Variants in ANKRD13B observed in about 807,000 individuals in gnomAD.
ANKRD13B encodes ankyrin repeat domain-containing protein 13B.
Under a neutral mutation model 74.4 loss-of-function variants are expected in ANKRD13B, and 33 were observed. That is an observed-to-expected ratio of 0.44 (90% CI 0.34 to 0.59). The LOEUF (loss-of-function observed/expected upper bound fraction) is 0.59, where lower values mean the gene tolerates loss of function less well. Ranked by LOEUF, ANKRD13B falls within the 20% of genes least tolerant of loss-of-function variation. The pLI, the probability that ANKRD13B is intolerant of heterozygous loss-of-function variation, is 0.02. For synonymous variants in ANKRD13B, 341 were observed against 362.9 expected (o/e 0.94, Z 0.68); for missense variants, 676 against 877.9 (o/e 0.77, Z 2.91).
At chr17:29,601,514 G>A (rs1440892144) in intron 1 of ANKRD13B, among the ~76,000 whole-genome samples, 2 of 152,122 alleles carry the variant, frequency 1.3e-5, no homozygotes, top group Admixed American at 1.3e-4. Context: ...GAGCCACTGT[G>A]CCTGGCCTCC....
rs150429632 is a variant in ANKRD13B, at chr17:29,603,002, C to G, written c.115-4740C>G. The stretch of plus-strand genomic sequence containing the variant: ...AGTAGCTGGGACTACAGGTGCCCAC[C>G]ACCACGCCTGGCTAATTTTTGTATT... On this transcript the variant is annotated intron_variant, in intron 1 of 14. Coordinates refer to ENST00000394859, the MANE Select transcript of ANKRD13B (RefSeq NM_152345.5). Among the ~76,000 whole-genome samples, 1,425 of 152,202 alleles carry G rather than the reference C, an allele frequency of 9.4e-3. 12 individuals carry two copies. Among genetic ancestry groups the G allele is most frequent in the Non-Finnish European group, 0.016 (1,097 of 68,026 alleles).
chr17:29,595,006 G>A (rs984349514), intron 1 of ANKRD13B, among the ~76,000 whole-genome samples: 1 of 152,214 alleles, frequency 6.6e-6, no homozygotes, highest in African/African-American at 2.4e-5. Flanking sequence ...ACCTGTGCCC[G>A]CAGGCCTCTG....
In ANKRD13B at chr17:29,593,598, C is replaced by G; in HGVS notation, c.-24C>G. The stretch of plus-strand genomic sequence containing the variant: ...GTCCCTCCTCCCCGGCCGGGCGCCG[C>G]GGCCCCGGCATGAGGAGCGGGCGAT... On this transcript the variant is annotated 5_prime_UTR_variant, in exon 1 of 15. Transcript: ENST00000394859. The G allele has an allele frequency of 2.5e-6, 3 of 1,221,292 alleles. No homozygotes were observed. The highest frequency in any genetic ancestry group is 1.0e-6 in the Non-Finnish European group (1 of 964,918). The allele number at this position is 1,221,292 out of a possible 1,614,324, so 75.7% of individuals were successfully genotyped here. A position where few individuals can be genotyped will look rare whatever the true frequency, so the allele number is the denominator to read the frequency against.
At chr17:29,600,043 AT>A (rs1398344498) in intron 1 of ANKRD13B, among the ~76,000 whole-genome samples, 1 of 151,378 alleles carries the variant, frequency 6.6e-6, no homozygotes, top group East Asian at 1.9e-4. Context: ...CGCCCAGCTA[AT>A]TTTTTGTATT....
rs150355023 is a variant in ANKRD13B, at chr17:29,612,161, G to A, written c.1146G>A (p.Leu382=). 47 of 1,614,060 alleles carry A rather than the reference G, an allele frequency of 2.9e-5. No individual in the cohort carries two copies. Among genetic ancestry groups the A allele is most frequent in the Non-Finnish European group, 3.7e-5 (44 of 1,180,046 alleles). The stretch of plus-strand genomic sequence containing the variant: ...TGTGTGAGGAGCATCCCCTGTCCCT[G>A]TGTGAGCAGGTGGCCCCCATCATTG... ...LWLCEEHPLS[L]CEQVAPIIDL... The change falls in exon 11 of 15, where the codon CTG becomes CTA. Residue 382 remains leucine, a synonymous_variant. Coordinates refer to ENST00000394859, the MANE Select transcript of ANKRD13B (RefSeq NM_152345.5). The surrounding 1 kb of genome is among the most constrained non-coding windows in gnomAD (Gnocchi z 6.1).
Position 29,609,524 on chromosome 17 carries a change from C to A in ANKRD13B, c.822+103C>A. 2 of 1,380,482 alleles carry A rather than the reference C, an allele frequency of 1.4e-6. No homozygotes were observed. Among genetic ancestry groups the A allele is most frequent in the South Asian group, 2.5e-5 (2 of 78,694 alleles). 85.5% of individuals were successfully genotyped at this position (1,380,482 alleles called of 1,614,324 possible). A position where few individuals can be genotyped will look rare whatever the true frequency, so the allele number is the denominator to read the frequency against. ...TTCCCCAGCCCTGGAGGTACAGAAG[C>A]AATGCAGCGTGGTCAAGCACTTATA... On this transcript the variant is annotated intron_variant, in intron 7 of 14. Transcript: ENST00000394859. This position sits in a 1 kb window ranked among gnomAD's most constrained non-coding sequence, Gnocchi z 4.0.
Position 29,613,387 on chromosome 17 carries a change from G to T in ANKRD13B, c.1686G>T (p.Ala562=). 2 of 1,482,510 alleles carry T rather than the reference G, an allele frequency of 1.3e-6. No homozygotes were observed. Among genetic ancestry groups the T allele is most frequent in the Admixed American group, 2.4e-5 (1 of 42,074 alleles). 91.8% of individuals were successfully genotyped at this position (1,482,510 alleles called of 1,614,324 possible). The change falls in exon 15 of 15, where the codon GCG becomes GCT. Residue 562 remains alanine, a synonymous_variant. Coordinates refer to ENST00000394859, the MANE Select transcript of ANKRD13B (RefSeq NM_152345.5). The part of the protein sequence containing the change: ...SAPPTPQRQP[A]PPASVPSPRP... ...CGCCCACGCCGCAGCGCCAGCCTGC[G>T]CCCCCGGCGTCAGTGCCCAGCCCTC... is the stretch of plus-strand genomic sequence containing the variant.
At position 29,611,269 on chromosome 17, in the gene ANKRD13B, C is replaced by G. The variant is rs951918581; in HGVS notation, c.905-310C>G. ...AAACACACACACGCACATGCACACC[C>G]CACAGTGCCTGCCGGGGCAGGCGTT... On this transcript the variant is annotated intron_variant, in intron 8 of 14. Transcript: ENST00000394859. The surrounding 1 kb of genome is among the most constrained non-coding windows in gnomAD (Gnocchi z 4.3). 7.9e-5 allele frequency among the ~76,000 whole-genome samples: 12 copies of G among 152,346 alleles called. No individual in the cohort carries two copies. The East Asian group carries it at 2.3e-3, about 29-fold the overall frequency.
At chr17:29,610,884 C>A in intron 8 of ANKRD13B, 118 bp downstream of exon 8, 3 of 998,926 alleles carry the variant, frequency 3.0e-6, no homozygotes, top group African/African-American at 1.6e-5. Context: ...ATGCTTTATT[C>A]AGGCCGATAG....
chr17:29,596,972 G>A (rs891965342), intron 1 of ANKRD13B, among the ~76,000 whole-genome samples: 2 of 152,150 alleles, frequency 1.3e-5, no homozygotes, highest in Admixed American at 1.3e-4. Context: ...TACGCAGCTT[G>A]AGGATGCATC....
In ANKRD13B at chr17:29,612,246, C is replaced by T. The variant is rs34361929; in HGVS notation, c.1231C>T (p.Leu411=). The change falls in exon 11 of 15, where the codon CTG becomes TTG. Residue 411 remains leucine (L), a synonymous_variant. Coordinates refer to ENST00000394859, the MANE Select transcript of ANKRD13B (RefSeq NM_152345.5). The surrounding 1 kb of genome is among the most constrained non-coding windows in gnomAD (Gnocchi z 6.1). ...GCTCCGGGACTTCATCACCCTGCGT[C>T]TGCCTCCTGGCTTCCCAGTTAAGAT... is the stretch of plus-strand genomic sequence containing the variant. ...AKLRDFITLR[L]PPGFPVKIEI... The T allele has an allele frequency of 6.2e-7, 1 of 1,613,990 alleles. No individual in the cohort carries two copies. The highest frequency in any genetic ancestry group is 1.3e-5 in the African/African-American group (1 of 74,934).
chr17:29,598,370 G>A (rs1032061750), intron 1 of ANKRD13B, among the ~76,000 whole-genome samples: 1 of 152,022 alleles, frequency 6.6e-6, no homozygotes, highest in African/African-American at 2.4e-5. Context: ...GCTAGAAGAT[G>A]CGTAATGAAA....
chr17:29,607,769 G>A lies in ANKRD13B; in HGVS notation c.142G>A (p.Gly48Ser), dbSNP rs138719192. 6 of 1,600,972 alleles carry A rather than the reference G, an allele frequency of 3.7e-6. No individual in the cohort carries two copies. The highest frequency in any genetic ancestry group is 1.3e-5 in the African/African-American group (1 of 74,852). The stretch of plus-strand genomic sequence containing the variant: ...GGACATCGAGCAGCTGGATCCCCGC[G>A]GCCGGACTCCCCTGCACCTGGCCAC... The part of the protein sequence containing the change: ...QVDIEQLDPR[G>S]RTPLHLATTL... The change falls in exon 2 of 15, where the codon GGC (glycine) becomes AGC (serine). Residue 48 changes from glycine (G) to serine (S), a missense_variant. Around this residue, in one of 4 missense-constraint regions of ANKRD13B, gnomAD observed 88 missense variants for 87.8 expected, o/e 1.00. Coordinates refer to ENST00000394859, the MANE Select transcript of ANKRD13B (RefSeq NM_152345.5).
Position 29,611,803 on chromosome 17 carries a change from T to C in ANKRD13B, c.970-73T>C. The stretch of plus-strand genomic sequence containing the variant: ...TGGCAGAGGGGACAGCTTGGGGGCC[T>C]TGTGACAACAAATGAGTTGGCCTGG... On this transcript the variant is annotated intron_variant, in intron 9 of 14. Coordinates refer to ENST00000394859, the MANE Select transcript of ANKRD13B (RefSeq NM_152345.5). This position sits in a 1 kb window ranked among gnomAD's most constrained non-coding sequence, Gnocchi z 4.3. 1 of 1,565,052 alleles carries C rather than the reference T, an allele frequency of 6.4e-7. No individual in the cohort carries two copies. The highest frequency in any genetic ancestry group is 1.8e-5 in the Admixed American group (1 of 55,388).
chr17:29,600,200 T>C (rs2034119272), intron 1 of ANKRD13B, among the ~76,000 whole-genome samples: 1 of 152,144 alleles, frequency 6.6e-6, no homozygotes, highest in Admixed American at 6.5e-5. Context: ...TTTGTATGTT[T>C]TGGTTTATTT....
intron 1 of ANKRD13B, among the ~76,000 whole-genome samples, chr17:29,596,014 C>G (rs1165433003): frequency 1.3e-5 from 2 of 152,196 alleles, no homozygotes; most frequent in Non-Finnish European, 2.9e-5. Flanking sequence ...GGAACCCTGG[C>G]ATCCCAGCCA....
chr17:29,611,681 T>C lies in ANKRD13B; in HGVS notation c.969+38T>C. The stretch of plus-strand genomic sequence containing the variant: ...AGGGGTACCCGTAAGTGGAGGGATG[T>C]GGATGTGGCTCAGGAGGAGGCTTGG... On this transcript the variant is annotated intron_variant, in intron 9 of 14. Coordinates refer to ENST00000394859, the MANE Select transcript of ANKRD13B (RefSeq NM_152345.5). This position sits in a 1 kb window ranked among gnomAD's most constrained non-coding sequence, Gnocchi z 4.3. The C allele has an allele frequency of 6.2e-7, 1 of 1,608,450 alleles. No individual in the cohort carries two copies. The highest frequency in any genetic ancestry group is 2.2e-5 in the East Asian group (1 of 44,802).
intron 1 of ANKRD13B, among the ~76,000 whole-genome samples, chr17:29,596,845 C>G (rs1197519893): frequency 6.6e-6 from 1 of 152,172 alleles, no homozygotes; most frequent in Non-Finnish European, 1.5e-5. Context: ...AGCCACAAAC[C>G]CCAGAAACCA....
chr17:29,604,318 C>T (rs958905537), intron 1 of ANKRD13B, among the ~76,000 whole-genome samples: 1 of 151,214 alleles, frequency 6.6e-6, no homozygotes, highest in African/African-American at 2.4e-5. Flanking sequence ...AAGGGATCCT[C>T]CTGCCTCAGT....
Sources: allele counts gnomAD v4.1 joint callset (sites outside exome capture counted in the v4.1 genomes callset), GRCh38; gene constraint gnomAD v4.1.1; regional missense constraint gnomAD v4.1.1; non-coding constraint Gnocchi (gnomAD v3.1); transcripts MANE v1.5; gene names NCBI Gene and HGNC (gene_info 2026-07-23, HGNC 2026-07-21).